MAP4K5: variants seen among roughly 807,000 people sequenced by gnomAD.
MAP4K5 encodes the protein mitogen-activated protein kinase kinase kinase kinase 5.
MAP4K5 carries 82 observed loss-of-function variants against 135.6 expected under a neutral mutation model. That is an observed-to-expected ratio of 0.60 (90% CI 0.51 to 0.73). The LOEUF is 0.73. Ranked by LOEUF, MAP4K5 falls within the 30% of genes least tolerant of loss-of-function variation. MAP4K5 has a pLI of 0.00. For missense variants in MAP4K5, 907 were observed against 1,010.9 expected (o/e 0.90, Z 1.39); for synonymous variants, 347 against 335.0 (o/e 1.04, Z -0.39).
At chr14:50,503,233 C>T (rs527245179) in intron 3 of MAP4K5, among the ~76,000 whole-genome samples, 3 of 152,074 alleles carry the variant, frequency 2.0e-5, no homozygotes, top group South Asian at 4.1e-4. Flanking sequence ...AGGACTGGGG[C>T]AAGGCATAAG....
chr14:50,471,234 G>T (rs1211744385), intron 9 of MAP4K5, among the ~76,000 whole-genome samples: 1 of 152,080 alleles, frequency 6.6e-6, no homozygotes, highest in African/African-American at 2.4e-5. Flanking sequence ...TAGTAAGGAT[G>T]CCCATAATTC....
intron 2 of MAP4K5, among the ~76,000 whole-genome samples, chr14:50,522,183 T>C (rs1329438155): frequency 2.0e-5 from 3 of 152,024 alleles, no homozygotes; most frequent in African/African-American, 7.3e-5. Context: ...ATGCTAAACC[T>C]ATGTAAACAA....
At chr14:50,548,199 C>A (rs2038658426) in intron 1 of MAP4K5, among the ~76,000 whole-genome samples, 1 of 152,160 alleles carries the variant, frequency 6.6e-6, no homozygotes, top group South Asian at 2.1e-4. Context: ...GCAGCTTGTT[C>A]CCCAGACAGT....
chr14:50,516,844 T>C (rs1262105086), intron 2 of MAP4K5, among the ~76,000 whole-genome samples: 2 of 152,224 alleles, frequency 1.3e-5, no homozygotes, highest in Non-Finnish European at 2.9e-5. Flanking sequence ...ATATGACAAA[T>C]TCAGATCTCT....
chr14:50,446,225 T>C, intron 16 of MAP4K5, 104 bp from the exon 17 acceptor site: 1 of 665,432 alleles, frequency 1.5e-6, no homozygotes, highest in South Asian at 2.2e-5. Flanking sequence ...ACAGAGGATG[T>C]AAAAGACAGA....
chr14:50,536,105 C>T (rs189721587), upstream of MAP4K5, among the ~76,000 whole-genome samples: 46 of 152,278 alleles, frequency 3.0e-4, no homozygotes, highest in Admixed American at 1.4e-3. Context: ...TTGTAGATTG[C>T]CCGGTCTCAG....
intron 2 of MAP4K5, among the ~76,000 whole-genome samples, chr14:50,522,777 C>G (rs1327563189): frequency 6.6e-6 from 1 of 151,906 alleles, no homozygotes; most frequent in African/African-American, 2.4e-5. Flanking sequence ...GTGTTACTAT[C>G]AAAAAATAAG....
intron 2 of MAP4K5, among the ~76,000 whole-genome samples, chr14:50,506,623 G>T (rs984202126): frequency 1.3e-5 from 2 of 152,142 alleles, no homozygotes; most frequent in African/African-American, 4.8e-5. Flanking sequence ...CTCCTGAAGT[G>T]CTGGGATTAC....
At chr14:50,481,296 A>C (rs183276128) in intron 6 of MAP4K5, among the ~76,000 whole-genome samples, 2,043 of 149,888 alleles carry the variant, frequency 0.014, 16 homozygotes, top group South Asian at 0.037. Flanking sequence ...ACATCTCTAT[A>C]TATATATATA....
At chr14:50,518,070 G>A (rs985758383) in intron 2 of MAP4K5, among the ~76,000 whole-genome samples, 3 of 152,058 alleles carry the variant, frequency 2.0e-5, no homozygotes, top group African/African-American at 7.2e-5. Context: ...TTTCAATGGG[G>A]CAGATTTTAG....
rs538413676 is a variant in MAP4K5 at position 50,468,866 on chromosome 14, T to C, written c.543-84A>G. On this transcript the variant is annotated intron_variant, in intron 9 of 32. Coordinates refer to ENST00000682126, the MANE Select transcript of MAP4K5 (RefSeq NM_006575.6). ...CTTCCTGTTATAATCACCAGACTTGTTGGAGGGAAGGAAGCTGAGAGGTGT... is the reference window on the plus strand; with the variant it reads ...CTTCCTGTTATAATCACCAGACTTGCTGGAGGGAAGGAAGCTGAGAGGTGT... 4.0e-5 allele frequency: 53 copies of C among 1,316,064 alleles called. No individual in the cohort carries two copies. The East Asian group carries it at 7.0e-4, about 17-fold the overall frequency. The allele number at this position is 1,316,064 out of a possible 1,614,324, so 81.5% of individuals were successfully genotyped here. A position where few individuals can be genotyped will look rare whatever the true frequency, so the allele number is the denominator to read the frequency against.
chr14:50,520,160 C>G (rs2038118355), intron 2 of MAP4K5, among the ~76,000 whole-genome samples: 6 of 151,880 alleles, frequency 4.0e-5, no homozygotes, highest in Admixed American at 3.9e-4. Context: ...GTCAGGAGCT[C>G]AAGACCAGCT....
At chr14:50,420,437 C>G (rs2035699733) in intron 32 of MAP4K5, among the ~76,000 whole-genome samples, 1 of 151,698 alleles carries the variant, frequency 6.6e-6, no homozygotes. Flanking sequence ...TTGAGACCAG[C>G]CTGAGCAAGA....
intron 2 of MAP4K5, among the ~76,000 whole-genome samples, chr14:50,521,628 T>C (rs2038154462): frequency 6.6e-6 from 1 of 152,202 alleles, no homozygotes; most frequent in Admixed American, 6.5e-5. Flanking sequence ...TTCTTAGTCA[T>C]TTTAATCCAA....
chr14:50,536,702 G>A (rs2038497556), upstream of MAP4K5, among the ~76,000 whole-genome samples: 2 of 152,324 alleles, frequency 1.3e-5, no homozygotes, highest in Non-Finnish European at 1.5e-5. Flanking sequence ...GTTGGAACTG[G>A]AGCAAAGGTG....
At chr14:50,441,001 C>A (rs772405001) in intron 21 of MAP4K5, among the ~76,000 whole-genome samples, 9 of 152,128 alleles carry the variant, frequency 5.9e-5, no homozygotes, top group African/African-American at 1.4e-4. Flanking sequence ...CAAAAGAACA[C>A]AGGCATTCCC....
At chr14:50,525,871 G>C (rs1595549770) in intron 2 of MAP4K5, among the ~76,000 whole-genome samples, 1 of 152,038 alleles carries the variant, frequency 6.6e-6, no homozygotes, top group African/African-American at 2.4e-5. Context: ...TAATTGAAAA[G>C]GTCCAAATTC....
At chr14:50,493,337 A>AT (rs1447361554) in intron 3 of MAP4K5, among the ~76,000 whole-genome samples, 3 of 151,918 alleles carry the variant, frequency 2.0e-5, no homozygotes, top group Admixed American at 6.6e-5. Context: ...GAGCATTTTG[A>AT]TTTTTTTTCC....
intron 11 of MAP4K5, among the ~76,000 whole-genome samples, chr14:50,465,533 G>A (rs1194562324): frequency 1.3e-5 from 2 of 152,148 alleles, no homozygotes; most frequent in African/African-American, 4.8e-5. Context: ...ATCTTTTTGA[G>A]TATTACGTAA....
Sources: gnomAD v4.1 joint callset for allele counts (sites outside exome capture counted in the v4.1 genomes callset) on GRCh38, gnomAD v4.1.1 for gene constraint, MANE v1.5 for transcripts, NCBI Gene and HGNC (gene_info 2026-07-23, HGNC 2026-07-21) for gene names.